ASCC3: variants seen among roughly 807,000 people sequenced by gnomAD.
The protein encoded by ASCC3 is ASC-1 complex subunit P200.
Under a neutral mutation model 256.3 loss-of-function variants are expected in ASCC3, and 158 were observed. That is an observed-to-expected ratio of 0.62 (90% CI 0.54 to 0.70). ASCC3 has a LOEUF of 0.70. Among genes scored for constraint, ASCC3 ranks in the 30% least tolerant of loss-of-function variants. The pLI is 0.00. For synonymous variants in ASCC3, 948 were observed against 883.4 expected (o/e 1.07, Z -1.30); for missense variants, 2,259 against 2,626.0 (o/e 0.86, Z 3.05).
At chr6:100,538,249 C>T (rs185666130) in intron 37 of ASCC3, among the ~76,000 whole-genome samples, 20 of 152,230 alleles carry the variant, frequency 1.3e-4, no homozygotes, top group Non-Finnish European at 2.8e-4. Context: ...TTATAGGAAA[C>T]ACAAATGAGT....
chr6:100,644,608 C>G (rs917303027), intron 22 of ASCC3, among the ~76,000 whole-genome samples: 1 of 152,158 alleles, frequency 6.6e-6, no homozygotes. Flanking sequence ...CTCTTACTCT[C>G]TCTGTCTCGC....
At chr6:100,644,792 A>G (rs953206033) in intron 22 of ASCC3, among the ~76,000 whole-genome samples, 26 of 152,202 alleles carry the variant, frequency 1.7e-4, no homozygotes, top group African/African-American at 6.3e-4. Flanking sequence ...TGGCCCAATT[A>G]GACTGAAGAA....
intron 8 of ASCC3, among the ~76,000 whole-genome samples, chr6:100,774,351 A>G (rs146075207): frequency 2.0e-5 from 3 of 151,000 alleles, no homozygotes; most frequent in Admixed American, 1.3e-4. Context: ...TGACACGTGC[A>G]TGTCACCACA....
At chr6:100,619,500 A>G (rs1463255257) in intron 30 of ASCC3, among the ~76,000 whole-genome samples, 1 of 152,186 alleles carries the variant, frequency 6.6e-6, no homozygotes, top group Non-Finnish European at 1.5e-5. Flanking sequence ...TATATTAACC[A>G]TATATAAAAT....
At chr6:100,742,709 C>T (rs1168959368) in intron 10 of ASCC3, among the ~76,000 whole-genome samples, 3 of 152,202 alleles carry the variant, frequency 2.0e-5, no homozygotes, top group Non-Finnish European at 4.4e-5. Flanking sequence ...ACCATTTGGA[C>T]TCTCCAAAGC....
At chr6:100,620,228 A>G (rs2114843828) in intron 30 of ASCC3, among the ~76,000 whole-genome samples, 1 of 152,252 alleles carries the variant, frequency 6.6e-6, no homozygotes, top group South Asian at 2.1e-4. Flanking sequence ...TGATGCAAAG[A>G]CCTAATAATA....
chr6:100,828,380 A>G (rs1387236381), intron 4 of ASCC3, among the ~76,000 whole-genome samples: 1 of 152,164 alleles, frequency 6.6e-6, no homozygotes, highest in Non-Finnish European at 1.5e-5. Context: ...GTGGGGAGAT[A>G]CATTCCAAGA....
intron 36 of ASCC3, among the ~76,000 whole-genome samples, chr6:100,560,396 T>C (rs1181400432): frequency 6.6e-6 from 1 of 152,132 alleles, no homozygotes; most frequent in Non-Finnish European, 1.5e-5. Context: ...AGAGCTTCTG[T>C]TTCCCCCAGA....
At chr6:100,745,553 T>C (rs1780625610) in intron 10 of ASCC3, among the ~76,000 whole-genome samples, 1 of 151,224 alleles carries the variant, frequency 6.6e-6, no homozygotes, top group African/African-American at 2.4e-5. Context: ...TGCATGCACA[T>C]ACACTCCCTC....
rs1287662342 is a variant in ASCC3, at chr6:100,625,348, G to T, written c.4643-14C>A. 6.2e-7 allele frequency: 1 copy of T among 1,611,638 alleles called. No individual in the cohort carries two copies. The highest frequency in any genetic ancestry group is 8.5e-7 in the Non-Finnish European group (1 of 1,178,334). On this transcript the variant is annotated splice_polypyrimidine_tract_variant and intron_variant, in intron 29 of 41. Transcript: ENST00000369162. ...GGCTTCTAATTGCTGTTGAAAAGTTGTGGGAAATAAAATGGAAAGATACTT... is the reference window on the plus strand; with the variant it reads ...GGCTTCTAATTGCTGTTGAAAAGTTTTGGGAAATAAAATGGAAAGATACTT...
chr6:100,626,766 A>T (rs1774256606), intron 29 of ASCC3, among the ~76,000 whole-genome samples: 1 of 152,168 alleles, frequency 6.6e-6, no homozygotes, highest in African/African-American at 2.4e-5. Flanking sequence ...TACAATATTG[A>T]TATCATTTGG....
chr6:100,858,531 G>C (rs1773069928), intron 3 of ASCC3: 2 of 932,920 alleles, frequency 2.1e-6, no homozygotes, highest in African/African-American at 3.6e-5. Context: ...AGTAATGTTA[G>C]ATATTCATAA....
chr6:100,653,845 T>C (rs986217550), intron 17 of ASCC3, among the ~76,000 whole-genome samples: 3 of 152,082 alleles, frequency 2.0e-5, no homozygotes, highest in Admixed American at 6.6e-5. Context: ...TGTGTATAAA[T>C]ATATGTATGT....
chr6:100,607,063 C>A lies in ASCC3; in HGVS notation c.4811G>T (p.Arg1604Ile). The change falls in exon 31 of 42, where the codon AGA becomes ATA. Residue 1604 changes from arginine (R) to isoleucine (I), a missense_variant. Arg to Ile is a moderately conservative substitution (Grantham distance 97). Around this residue, in one of 2 missense-constraint regions of ASCC3, gnomAD observed 1,839 missense variants for 2,206.7 expected, o/e 0.83. Transcript: ENST00000369162. ...AAGGGTCAGCTTGAGGTTGGAATCT[C>A]TTACTGTTGCAATGATGTTCTCCAT... Reference protein sequence around the residue: ...REMENIIATVRDSNLKLTLAF... With the variant: ...REMENIIATVIDSNLKLTLAF... The A allele has an allele frequency of 1.2e-6, 2 of 1,613,616 alleles. No homozygotes were observed. Among genetic ancestry groups the A allele is most frequent in the Non-Finnish European group, 1.7e-6 (2 of 1,179,786 alleles).
At chr6:100,847,994 T>C in intron 4 of ASCC3, 154 bp downstream of exon 4, 1 of 670,884 alleles carries the variant, frequency 1.5e-6, no homozygotes, top group Admixed American at 3.2e-5. Flanking sequence ...TAGGAACGTA[T>C]ATACAGGCCT....
chr6:100,526,792 T>C (rs1436523761), intron 37 of ASCC3, among the ~76,000 whole-genome samples: 1 of 152,210 alleles, frequency 6.6e-6, no homozygotes, highest in Non-Finnish European at 1.5e-5. Flanking sequence ...CATCCACTAA[T>C]ACGACTTCAT....
chr6:100,771,593 T>C (rs185241956), intron 8 of ASCC3, among the ~76,000 whole-genome samples: 60 of 152,138 alleles, frequency 3.9e-4, no homozygotes, highest in African/African-American at 1.2e-3. Flanking sequence ...CTTAAGAGTA[T>C]GTAAAGATTT....
chr6:100,754,303 C>A (rs1781075767), intron 10 of ASCC3, among the ~76,000 whole-genome samples: 1 of 152,090 alleles, frequency 6.6e-6, no homozygotes, highest in African/African-American at 2.4e-5. Flanking sequence ...AATGCCAATG[C>A]AACATAAAAC....
chr6:100,779,824 C>T (rs1406162555), intron 8 of ASCC3, among the ~76,000 whole-genome samples: 2 of 152,030 alleles, frequency 1.3e-5, no homozygotes, highest in Non-Finnish European at 2.9e-5. Context: ...TGTAAATAAA[C>T]AACTTAGAAA....
Sources: gnomAD v4.1 joint callset for allele counts (sites outside exome capture counted in the v4.1 genomes callset) on GRCh38, gnomAD v4.1.1 for gene constraint, gnomAD v4.1.1 regional missense constraint, MANE v1.5 for transcripts, NCBI Gene and HGNC (gene_info 2026-07-23, HGNC 2026-07-21) for gene names.